Variants in NDUFA9 observed in about 807,000 individuals in gnomAD.
The protein encoded by NDUFA9 is NADH dehydrogenase [ubiquinone] 1 alpha subcomplex subunit 9, mitochondrial.
NDUFA9 carries 23 observed loss-of-function variants against 45.9 expected under a neutral mutation model. That is an observed-to-expected ratio of 0.50 (90% confidence interval 0.36 to 0.71). NDUFA9 has a LOEUF of 0.71. Among genes scored for constraint, NDUFA9 ranks in the 30% least tolerant of loss-of-function variants. NDUFA9 has a pLI of 0.00. For missense variants in NDUFA9, 466 were observed against 488.2 expected (o/e 0.95, Z 0.43); for synonymous variants, 176 against 170.5 (o/e 1.03, Z -0.25).
At chr12:4,653,488 A>G (rs1945771098) in intron 1 of NDUFA9, 1 of 358,802 alleles carries the variant, frequency 2.8e-6, no homozygotes, top group Non-Finnish European at 5.3e-6. Context: ...CACATGCTGT[A>G]GAGAAGATGT....
At chr12:4,675,177 G>C (rs143222579) in intron 8 of NDUFA9, among the ~76,000 whole-genome samples, 2 of 152,210 alleles carry the variant, frequency 1.3e-5, no homozygotes, top group East Asian at 3.9e-4. Context: ...GTGTGTAGAG[G>C]GAAATTTATA....
At chr12:4,669,692 C>T (rs769155268) in intron 7 of NDUFA9, 49 bp from the exon 8 acceptor site, 38 of 1,206,760 alleles carry the variant, frequency 3.1e-5, no homozygotes, top group South Asian at 2.6e-4. Flanking sequence ...ATCTCCCATT[C>T]TGTCTCTTTT....
chr12:4,666,682 T>A (rs1945855144), intron 6 of NDUFA9, among the ~76,000 whole-genome samples: 1 of 152,190 alleles, frequency 6.6e-6, no homozygotes, highest in Non-Finnish European at 1.5e-5. Context: ...TTTGACCATA[T>A]ATGCAAGAGT....
chr12:4,657,991 AC>A, intron 4 of NDUFA9, 152 bp downstream of exon 4: 2 of 653,912 alleles, frequency 3.1e-6, no homozygotes, highest in Non-Finnish European at 5.5e-6. Context: ...ACCCAGTGAC[AC>A]CCCTGAGGAG....
chr12:4,678,770 T>C (rs887335441), intron 8 of NDUFA9, among the ~76,000 whole-genome samples: 2 of 152,068 alleles, frequency 1.3e-5, no homozygotes, highest in Non-Finnish European at 2.9e-5. Flanking sequence ...AGAGAGAAAA[T>C]AACAAATGTT....
At chr12:4,682,883 A>G (rs1360157563) in intron 9 of NDUFA9, among the ~76,000 whole-genome samples, 1 of 152,222 alleles carries the variant, frequency 6.6e-6, no homozygotes, top group Non-Finnish European at 1.5e-5. Context: ...CCTGGGCAAT[A>G]TAGCGAAGCC....
chr12:4,661,568 A>G (rs1945823175), intron 5 of NDUFA9, among the ~76,000 whole-genome samples: 1 of 151,916 alleles, frequency 6.6e-6, no homozygotes, highest in Non-Finnish European at 1.5e-5. Flanking sequence ...TGGTGGCTAG[A>G]GTAAAGGACA....
At chr12:4,653,322 A>G (rs977757314) in intron 1 of NDUFA9, among the ~76,000 whole-genome samples, 4 of 152,354 alleles carry the variant, frequency 2.6e-5, no homozygotes. Flanking sequence ...CTGGAGGAAC[A>G]CAGGGATAAA....
At chr12:4,680,694 C>T (rs534230868) in intron 8 of NDUFA9, among the ~76,000 whole-genome samples, 1 of 152,054 alleles carries the variant, frequency 6.6e-6, no homozygotes, top group African/African-American at 2.4e-5. Flanking sequence ...TTTGAAGAAC[C>T]CTGCTAAGGC....
At chr12:4,670,729 C>T (rs1400400050) in intron 8 of NDUFA9, among the ~76,000 whole-genome samples, 1 of 152,158 alleles carries the variant, frequency 6.6e-6, no homozygotes, top group African/African-American at 2.4e-5. Flanking sequence ...TTCTCCTTTT[C>T]AGTTCCCAGT....
chr12:4,656,720 A>G (rs1185207268), intron 3 of NDUFA9, among the ~76,000 whole-genome samples: 1 of 152,108 alleles, frequency 6.6e-6, no homozygotes, highest in African/African-American at 2.4e-5. Flanking sequence ...TTTTATGTAT[A>G]TTTCACTTAA....
At chr12:4,661,918 T>C (rs1024992447) in intron 5 of NDUFA9, among the ~76,000 whole-genome samples, 19 of 152,158 alleles carry the variant, frequency 1.2e-4, no homozygotes, top group African/African-American at 3.6e-4. Flanking sequence ...TCGTTGGAGT[T>C]GAGCAGCTCA....
At chr12:4,652,441 C>T (rs1213171285) in intron 1 of NDUFA9, among the ~76,000 whole-genome samples, 1 of 152,170 alleles carries the variant, frequency 6.6e-6, no homozygotes, top group Non-Finnish European at 1.5e-5. Flanking sequence ...CTTGTTTGCT[C>T]CAGTCTGGCT....
At chr12:4,649,529 G>A (rs1219514029) in intron 1 of NDUFA9, among the ~76,000 whole-genome samples, 2 of 151,904 alleles carry the variant, frequency 1.3e-5, no homozygotes, top group African/African-American at 2.4e-5. Flanking sequence ...TGTAAGGGAG[G>A]GAAAAAAGGC....
At chr12:4,671,889 A>G (rs1945889293) in intron 8 of NDUFA9, among the ~76,000 whole-genome samples, 1 of 152,220 alleles carries the variant, frequency 6.6e-6, no homozygotes, top group Admixed American at 6.5e-5. Context: ...TGCTCTGTAC[A>G]TGAAAAAATT....
chr12:4,665,260 C>A (rs1565567696), intron 6 of NDUFA9, among the ~76,000 whole-genome samples: 1 of 152,212 alleles, frequency 6.6e-6, no homozygotes, highest in Non-Finnish European at 1.5e-5. Context: ...TCCTTCCCCC[C>A]AGCCCCTGGC....
chr12:4,657,001 C>T (rs1362323141), intron 3 of NDUFA9, among the ~76,000 whole-genome samples: 1 of 152,148 alleles, frequency 6.6e-6, no homozygotes, highest in Non-Finnish European at 1.5e-5. Flanking sequence ...CTAGTTCTCT[C>T]TCTTTCTCTT....
chr12:4,659,298 T>G, intron 5 of NDUFA9, 121 bp downstream of exon 5: 5 of 854,188 alleles, frequency 5.9e-6, no homozygotes, highest in Non-Finnish European at 7.0e-6. Context: ...GGTTTTCTGA[T>G]TCCCTGCATC....
At chr12:4,665,746 G>GT (rs10657164) in intron 6 of NDUFA9, among the ~76,000 whole-genome samples, 37,630 of 143,778 alleles carry the variant, frequency 0.26, 5,115 homozygotes, top group South Asian at 0.47. Flanking sequence ...GTTATTTTCT[G>GT]TTTTTTTTTT....
Sources: gnomAD v4.1 joint callset for allele counts (sites outside exome capture counted in the v4.1 genomes callset) on GRCh38, gnomAD v4.1.1 for gene constraint, MANE v1.5 for transcripts, NCBI Gene and HGNC (gene_info 2026-07-23, HGNC 2026-07-21) for gene names.